Variants in MORC1 observed in about 807,000 individuals in gnomAD.
The protein encoded by MORC1 is MORC family CW-type zinc finger 1, also known as MORC family CW-type zinc finger protein 1.
MORC1 carries 59 observed loss-of-function variants against 134.9 expected under a neutral mutation model. The observed-to-expected ratio is 0.44, with a 90% CI of 0.35 to 0.54. The LOEUF (loss-of-function observed/expected upper bound fraction) is 0.54. MORC1 is among the 20% of genes least tolerant of loss of function. The pLI is 0.00. For missense variants in MORC1, 947 were observed against 1,134.5 expected, an observed-to-expected ratio of 0.83 and a Z score of 2.37; for synonymous variants, 395 against 391.7, an observed-to-expected ratio of 1.01 and a Z score of -0.10.
At chr3:109,013,227 A>C (rs1246415320) in intron 17 of MORC1, among the ~76,000 whole-genome samples, 1 of 151,874 alleles carries the variant, frequency 6.6e-6, no homozygotes, top group East Asian at 1.9e-4. Context: ...TTTTACTGGA[A>C]TCTTTGTTTT....
chr3:109,025,194 T>C (rs1476173257), intron 17 of MORC1, among the ~76,000 whole-genome samples: 1 of 152,004 alleles, frequency 6.6e-6, no homozygotes, highest in African/African-American at 2.4e-5. Context: ...ATATGAAAGC[T>C]TAACATGTAA....
At chr3:109,112,313 T>C (rs1232890292) in intron 2 of MORC1, among the ~76,000 whole-genome samples, 1 of 152,244 alleles carries the variant, frequency 6.6e-6, no homozygotes, top group Non-Finnish European at 1.5e-5. Flanking sequence ...CTCTCTACAA[T>C]ATTCTTTTAA....
At chr3:109,016,303 T>C (rs542678562) in intron 17 of MORC1, among the ~76,000 whole-genome samples, 1 of 152,318 alleles carries the variant, frequency 6.6e-6, no homozygotes, top group South Asian at 2.1e-4. Context: ...CACTTGTCCC[T>C]AACTAGCTTC....
intron 17 of MORC1, among the ~76,000 whole-genome samples, chr3:109,016,588 C>T (rs182201350): frequency 1.3e-5 from 2 of 152,140 alleles, no homozygotes; most frequent in African/African-American, 4.8e-5. Context: ...CCAGGCCGGG[C>T]GCAGTGGCTC....
chr3:109,115,635 C>T (rs1336765641), intron 1 of MORC1, among the ~76,000 whole-genome samples: 1 of 152,130 alleles, frequency 6.6e-6, no homozygotes, highest in Non-Finnish European at 1.5e-5. Context: ...AAATTCAATA[C>T]ATAAACAATC....
chr3:109,078,819 A>G (rs1199556066), intron 8 of MORC1, among the ~76,000 whole-genome samples: 2 of 151,934 alleles, frequency 1.3e-5, no homozygotes, highest in Admixed American at 6.6e-5. Flanking sequence ...AGAAAAAGTG[A>G]ACAAAATCTA....
chr3:108,965,553 GGTAATGAGAATTCTGCATCCTGATTTCA>G (rs1413909319), intron 26 of MORC1, among the ~76,000 whole-genome samples: 3 of 152,094 alleles, frequency 2.0e-5, no homozygotes, highest in East Asian at 1.9e-4. Flanking sequence ...AGATAATTAT[GGTAATGAGAATTCTGCATCCTGATTTCA>G]GTAATGAGAA....
At chr3:108,986,519 T>A (rs2593963) in intron 22 of MORC1, among the ~76,000 whole-genome samples, 1 of 151,928 alleles carries the variant, frequency 6.6e-6, no homozygotes, top group Non-Finnish European at 1.5e-5. Context: ...AAACGGGGAC[T>A]GTCATCATCA....
At chr3:108,964,752 A>G (rs2593935) in intron 26 of MORC1, among the ~76,000 whole-genome samples, 54,059 of 152,026 alleles carry the variant, frequency 0.36, 10,162 homozygotes, top group Middle Eastern at 0.5. Flanking sequence ...GATAATACAA[A>G]TGTGCACATA....
At chr3:109,101,700 C>G (rs1367513938) in intron 4 of MORC1, 2 of 152,154 alleles carry the variant, frequency 1.3e-5, no homozygotes, top group African/African-American at 4.8e-5. Flanking sequence ...TTAGTATATG[C>G]TAGGTACTAT....
At chr3:108,962,879 C>T (rs536372832) in intron 27 of MORC1, among the ~76,000 whole-genome samples, 5 of 152,138 alleles carry the variant, frequency 3.3e-5, no homozygotes, top group African/African-American at 1.2e-4. Flanking sequence ...CCAAAACTGT[C>T]CTCTAAGATT....
At chr3:109,072,229 A>T (rs1950334632) in intron 8 of MORC1, among the ~76,000 whole-genome samples, 1 of 152,050 alleles carries the variant, frequency 6.6e-6, no homozygotes, top group Admixed American at 6.6e-5. Context: ...CAGCCTGGCC[A>T]TTTAGGACCA....
At chr3:109,067,399 A>T (rs1950221447) in intron 9 of MORC1, among the ~76,000 whole-genome samples, 1 of 152,064 alleles carries the variant, frequency 6.6e-6, no homozygotes, top group South Asian at 2.1e-4. Context: ...TATGATCTAG[A>T]CTCCTCCAGA....
At chr3:109,037,904 C>T (rs189035893) in intron 14 of MORC1, among the ~76,000 whole-genome samples, 272 of 152,288 alleles carry the variant, frequency 1.8e-3, no homozygotes, top group Middle Eastern at 3.4e-3. Context: ...AGTAAACATA[C>T]ATGTGCATGT....
chr3:108,969,864 G>A (rs1947327807), intron 25 of MORC1, 142 bp from the exon 26 acceptor site: 4 of 652,216 alleles, frequency 6.1e-6, no homozygotes, highest in Non-Finnish European at 7.7e-6. Context: ...GGCCTTTTAA[G>A]TCTGGGTCTA....
At chr3:108,999,718 G>A (rs896323202) in intron 21 of MORC1, among the ~76,000 whole-genome samples, 1 of 152,160 alleles carries the variant, frequency 6.6e-6, no homozygotes, top group African/African-American at 2.4e-5. Flanking sequence ...GGCTACTGTA[G>A]TTACTCTTAC....
chr3:109,043,192 G>C lies in MORC1; in HGVS notation c.1331-7724C>G, dbSNP rs1367036000. Among the ~76,000 whole-genome samples the C allele has an allele frequency of 1.3e-3, 159 of 126,430 alleles. 1 individual carries two copies. Among genetic ancestry groups the C allele is most frequent in the Non-Finnish European group, 2.4e-3 (144 of 59,506 alleles). The allele number at this position is 126,430 out of a possible 152,430, so 82.9% of individuals were successfully genotyped here. On this transcript the variant is annotated intron_variant, in intron 14 of 27. Transcript: ENST00000232603. ...TAAGCAAAATGTGGCAAAATGTGGG[G>C]GGGGGGGGGTGTGTATAACAGAATA... is the stretch of plus-strand genomic sequence containing the variant.
At chr3:109,057,701 G>T (rs939896469) in intron 12 of MORC1, among the ~76,000 whole-genome samples, 1 of 152,092 alleles carries the variant, frequency 6.6e-6, no homozygotes, top group African/African-American at 2.4e-5. Context: ...AGGATTTACT[G>T]ATTCAAAAAC....
Position 108,979,685 on chromosome 3 carries a change from A to C in MORC1, c.2325-18T>G. 2 of 1,609,844 alleles carry C rather than the reference A, an allele frequency of 1.2e-6. No individual in the cohort carries two copies. The highest frequency in any genetic ancestry group is 1.7e-6 in the Non-Finnish European group (2 of 1,178,132). ...TGAGCAAGCTGAGGTTTGTCATTTCAAAGTAGAAATCATGTTAGGTATTAA... is the reference window on the plus strand; with the variant it reads ...TGAGCAAGCTGAGGTTTGTCATTTCCAAGTAGAAATCATGTTAGGTATTAA... On this transcript the variant is annotated intron_variant, in intron 23 of 27. Coordinates refer to ENST00000232603, the MANE Select transcript of MORC1 (RefSeq NM_014429.4).
Sources: gnomAD v4.1 joint callset for allele counts (sites outside exome capture counted in the v4.1 genomes callset) on GRCh38, gnomAD v4.1.1 for gene constraint, MANE v1.5 for transcripts, NCBI Gene and HGNC (gene_info 2026-07-23, HGNC 2026-07-21) for gene names.